RPS4X: variants seen among roughly 807,000 people sequenced by gnomAD.
The protein encoded by RPS4X is ribosomal protein S4 X-linked, also known as small ribosomal subunit protein eS4, X isoform.
For missense variants in RPS4X, 90 were observed against 219.1 expected (o/e 0.41, Z 3.72); for synonymous variants, 76 against 76.8 (o/e 0.99, Z 0.06).
Position 72,272,593 on chromosome X carries a change from A to C in RPS4X, c.*78T>G. Reference sequence around the variant, plus strand: ...TGAATTAAAAAAAAAAACAACCCACAAAACCAAAATGCTATTAATCCTGCC... The same window carrying C: ...TGAATTAAAAAAAAAAACAACCCACCAAACCAAAATGCTATTAATCCTGCC... On this transcript the variant is annotated 3_prime_UTR_variant, in exon 7 of 7. Transcript: ENST00000316084. 1 of 719,133 alleles carries C rather than the reference A, an allele frequency of 1.4e-6. No homozygotes were observed. Among genetic ancestry groups the C allele is most frequent in the African/African-American group, 2.2e-5 (1 of 46,344 alleles). The allele number at this position is 719,133 out of a possible 1,213,427, so 59.3% of individuals were successfully genotyped here.
chrX:72,274,448 A>C (rs770474748), intron 4 of RPS4X: 57 of 342,321 alleles, frequency 1.7e-4, no homozygotes, highest in Non-Finnish European at 2.9e-4. Flanking sequence ...GTGCAAAAGG[A>C]AATTAGGAGC....
Position 72,275,538 on chromosome X carries a change from T to TA in RPS4X, c.262+5_262+6insT. On this transcript the variant is annotated splice_donor_region_variant and intron_variant, in intron 3 of 6. Transcript: ENST00000316084. Reference sequence around the variant, plus strand: ...ATGCGTCTCCAGAGTATTTAAAACTTCTTACCCATGAATCCAGCAGGGTAG... The same window carrying TA: ...ATGCGTCTCCAGAGTATTTAAAACTTACTTACCCATGAATCCAGCAGGGTAG... 7 of 1,202,794 alleles carry TA rather than the reference T, an allele frequency of 5.8e-6. No individual in the cohort carries two copies. Among genetic ancestry groups the TA allele is most frequent in the Non-Finnish European group, 6.8e-6 (6 of 887,798 alleles).
chrX:72,276,256 G>C, intron 1 of RPS4X, 22 bp from the exon 2 acceptor site: 1 of 1,160,493 alleles, frequency 8.6e-7, no homozygotes, highest in Non-Finnish European at 1.2e-6. Context: ...AGATTGCAAT[G>C]CTGTTAATCA....
chrX:72,275,016 A>G, intron 4 of RPS4X, 37 bp downstream of exon 4: 1 of 955,983 alleles, frequency 1.0e-6, no homozygotes, highest in South Asian at 2.0e-5. Flanking sequence ...CAAAGTAACT[A>G]TACTGAGTAA....
chrX:72,276,020 G>A, intron 2 of RPS4X, 137 bp downstream of exon 2: 1 of 521,088 alleles, frequency 1.9e-6, no homozygotes, highest in East Asian at 3.6e-5. Context: ...TGGAAGTGGA[G>A]GACAGCTAGA....
chrX:72,276,018 GA>G, intron 2 of RPS4X, 138 bp downstream of exon 2: 1 of 518,483 alleles, frequency 1.9e-6, no homozygotes, highest in Non-Finnish European at 3.3e-6. Flanking sequence ...ATTGGAAGTG[GA>G]GGACAGCTAG....
intron 1 of RPS4X, 85 bp downstream of exon 1, chrX:72,277,108 T>C (rs2043208318): frequency 2.7e-6 from 3 of 1,100,940 alleles, no homozygotes; most frequent in Non-Finnish European, 3.7e-6. Flanking sequence ...CCATCCCCAG[T>C]AGGAATCCCG....
Position 72,273,734 on chromosome X carries a change from G to C in RPS4X, c.532+67C>G, listed in dbSNP as rs758575239. On this transcript the variant is annotated intron_variant, in intron 5 of 6. Coordinates refer to ENST00000316084, the MANE Select transcript of RPS4X (RefSeq NM_001007.5). ...AGATGGTTTTTAATAAAGATACCCA[G>C]ACCCTGTGCAATTCATAATGATCTA... is the stretch of plus-strand genomic sequence containing the variant. 5.0e-5 allele frequency: 48 copies of C among 967,490 alleles called. No homozygotes were observed. In the South Asian group the frequency reaches 9.5e-4, roughly 19 times the overall value. 79.7% of individuals were successfully genotyped at this position (967,490 alleles called of 1,213,427 possible). A position where few individuals can be genotyped will look rare whatever the true frequency, so the allele number is the denominator to read the frequency against.
intron 4 of RPS4X, chrX:72,274,247 T>C (rs2043192788): frequency 2.7e-6 from 1 of 368,259 alleles, no homozygotes; most frequent in Admixed American, 4.4e-5. Flanking sequence ...CTCAACTTTA[T>C]CTTAATGGCT....
chrX:72,274,049 C>T lies in RPS4X; in HGVS notation c.361-77G>A, dbSNP rs771580067. 5.2e-3 allele frequency: 4,651 copies of T among 885,913 alleles called. 11 individuals are homozygous for T. Among genetic ancestry groups the T allele is most frequent in the Non-Finnish European group, 6.6e-3 (4,058 of 615,243 alleles). 73.0% of individuals were successfully genotyped at this position (885,913 alleles called of 1,213,427 possible). A position where few individuals can be genotyped will look rare whatever the true frequency, so the allele number is the denominator to read the frequency against. On this transcript the variant is annotated intron_variant, in intron 4 of 6. Transcript: ENST00000316084. ...TAACCCTATACAGGAACCATGGGTT[C>T]CCTAACTGCTGCAGATTAATTGTGA...
chrX:72,272,479 CACTA>C lies in RPS4X; in HGVS notation c.*188_*191del, dbSNP rs777512684. ...AAGTCTGGTATCTTCTACTTCCCAC[CACTA>C]ACTAAGCCCAGCCAATAACAGACTG... is the stretch of plus-strand genomic sequence containing the variant. On this transcript the variant is annotated 3_prime_UTR_variant, in exon 7 of 7. Coordinates refer to ENST00000316084, the MANE Select transcript of RPS4X (RefSeq NM_001007.5). The C allele has an allele frequency of 1.3e-5, 5 of 375,296 alleles. No homozygotes were observed. Among genetic ancestry groups the C allele is most frequent in the East Asian group, 8.4e-5 (2 of 23,837 alleles). 30.9% of individuals were successfully genotyped at this position (375,296 alleles called of 1,213,427 possible). A position where few individuals can be genotyped will look rare whatever the true frequency, so the allele number is the denominator to read the frequency against.
Position 72,275,692 on chromosome X carries a change from C to T in RPS4X, c.114G>A (p.Leu38=), listed in dbSNP as rs1380160136. ...AAATGATGAGGGGGAGACACTCTCT[C>T]AACTTGTGGGGACCGGTGGATGGAC... The part of the protein sequence containing the change: ...APRPSTGPHK[L]RECLPLIIFL... Residue 38 remains leucine, a synonymous_variant, in exon 3 of 7, where the codon TTG becomes TTA. Coordinates refer to ENST00000316084, the MANE Select transcript of RPS4X (RefSeq NM_001007.5). 7 of 1,207,688 alleles carry T rather than the reference C, an allele frequency of 5.8e-6. No homozygotes were observed. The highest frequency in any genetic ancestry group is 1.1e-6 in the Non-Finnish European group (1 of 892,963).
Position 72,274,221 on chromosome X carries a change from G to A in RPS4X, c.361-249C>T, listed in dbSNP as rs916553706. 14 of 392,120 alleles carry A rather than the reference G, an allele frequency of 3.6e-5. No individual in the cohort carries two copies. The African/African-American group carries it at 3.6e-4, about 10-fold the overall frequency. 32.3% of individuals were successfully genotyped at this position (392,120 alleles called of 1,213,427 possible). A position where few individuals can be genotyped will look rare whatever the true frequency, so the allele number is the denominator to read the frequency against. On this transcript the variant is annotated intron_variant, in intron 4 of 6. Transcript: ENST00000316084. ...CTCTTTAAGCCTTATGGGGCCCTGGGAATTCTTCCCTTCAACTCAACTTTA... is the reference window on the plus strand; with the variant it reads ...CTCTTTAAGCCTTATGGGGCCCTGGAAATTCTTCCCTTCAACTCAACTTTA...
chrX:72,274,450 AT>A (rs778848091), intron 4 of RPS4X: 1 of 342,308 alleles, frequency 2.9e-6, no homozygotes, highest in Admixed American at 3.1e-5. Flanking sequence ...GCAAAAGGAA[AT>A]TAGGAGCCAC....
chrX:72,272,632 T>C lies in RPS4X; in HGVS notation c.*39A>G. 1 of 950,545 alleles carries C rather than the reference T, an allele frequency of 1.1e-6. No individual in the cohort carries two copies. The highest frequency in any genetic ancestry group is 1.5e-6 in the Non-Finnish European group (1 of 674,593). The allele number at this position is 950,545 out of a possible 1,213,427, so 78.3% of individuals were successfully genotyped here. A position where few individuals can be genotyped will look rare whatever the true frequency, so the allele number is the denominator to read the frequency against. ...ATTAATCCTGCCACAATATTTTTAA[T>C]TACGTACAAAGATCTGACATGTCAC... On this transcript the variant is annotated 3_prime_UTR_variant, in exon 7 of 7. Coordinates refer to ENST00000316084, the MANE Select transcript of RPS4X (RefSeq NM_001007.5).
rs762346718 is a variant in RPS4X at position 72,274,506 on chromosome X, C to T, written c.361-534G>A. 1.5e-4 allele frequency: 51 copies of T among 332,274 alleles called. No individual in the cohort carries two copies. In the Middle Eastern group the frequency reaches 4.5e-3, roughly 29 times the overall value. The allele number at this position is 332,274 out of a possible 1,213,427, so 27.4% of individuals were successfully genotyped here. A position where few individuals can be genotyped will look rare whatever the true frequency, so the allele number is the denominator to read the frequency against. Reference sequence around the variant, plus strand: ...CTTCATTTACAGCCAATAATCCAAACAGCCCTAAACTTTTGTGTAAAACCA... The same window carrying T: ...CTTCATTTACAGCCAATAATCCAAATAGCCCTAAACTTTTGTGTAAAACCA... On this transcript the variant is annotated intron_variant, in intron 4 of 6. Transcript: ENST00000316084.
At chrX:72,274,013 C>T (rs370898722) in intron 4 of RPS4X, 41 bp from the exon 5 acceptor site, 1 of 1,152,258 alleles carries the variant, frequency 8.7e-7, no homozygotes, top group Non-Finnish European at 1.2e-6. Context: ...ATCCATCTCA[C>T]ATGTACTTTT....
chrX:72,274,438 G>A (rs1035405243), intron 4 of RPS4X: 7 of 341,974 alleles, frequency 2.0e-5, no homozygotes, highest in Middle Eastern at 4.3e-4. Context: ...TAACAAGGCT[G>A]TGCAAAAGGA....
At chrX:72,275,914 C>CA (rs1243078389) in intron 2 of RPS4X, among the ~76,000 whole-genome samples, 190 bp from the exon 3 acceptor site, 1 of 111,504 alleles carries the variant, frequency 9.0e-6, no homozygotes, top group African/African-American at 3.3e-5. Context: ...TCTTCCCTGT[C>CA]AGAGGACCAG....
Sources: allele counts gnomAD v4.1 joint callset (sites outside exome capture counted in the v4.1 genomes callset), GRCh38; gene constraint gnomAD v4.1.1; transcripts MANE v1.5; gene names NCBI Gene and HGNC (gene_info 2026-07-23, HGNC 2026-07-21).